Variants in SLC3A1 observed in about 807,000 individuals in gnomAD.
SLC3A1 encodes solute carrier family 3 member 1, also known as amino acid transporter heavy chain SLC3A1.
Under a neutral mutation model 60.3 loss-of-function variants are expected in SLC3A1, and 78 were observed. The observed-to-expected ratio is 1.29, with a 90% CI of 1.08 to 1.56. The LOEUF (loss-of-function observed/expected upper bound fraction) is 1.56, where lower values mean the gene tolerates loss of function less well. Among genes scored for constraint, SLC3A1 ranks in the 40% most tolerant of loss-of-function variants. SLC3A1 has a pLI of 0.00. For synonymous variants in SLC3A1, 392 were observed against 307.9 expected (o/e 1.27, Z -2.86); for missense variants, 1,172 against 858.9 (o/e 1.36, Z -4.56).
downstream of SLC3A1, chr2:44,321,505 T>C (rs1398188371): frequency 6.3e-7 from 1 of 1,576,126 alleles, no homozygotes; most frequent in Non-Finnish European, 8.6e-7. Flanking sequence ...TGCCACTGTT[T>C]AAGCTTCTCT....
At chr2:44,314,270 C>G (rs1001512006) in intron 9 of SLC3A1, 4 of 578,140 alleles carry the variant, frequency 6.9e-6, no homozygotes, top group African/African-American at 5.6e-5. Context: ...CTTTCCTCCT[C>G]TCTTCCCCTC....
At chr2:44,298,910 G>GA (rs1671926457) in intron 4 of SLC3A1, among the ~76,000 whole-genome samples, 1 of 152,084 alleles carries the variant, frequency 6.6e-6, no homozygotes, top group Non-Finnish European at 1.5e-5. Flanking sequence ...CACACCTTTG[G>GA]AAGAAAGTCT....
At chr2:44,302,130 G>A (rs1312022636) in intron 6 of SLC3A1, among the ~76,000 whole-genome samples, 2 of 152,078 alleles carry the variant, frequency 1.3e-5, no homozygotes, top group Non-Finnish European at 2.9e-5. Flanking sequence ...TAGTTTCCTA[G>A]TACAGTATAT....
At chr2:44,280,497 C>T (rs1671470364) in intron 1 of SLC3A1, among the ~76,000 whole-genome samples, 1 of 152,146 alleles carries the variant, frequency 6.6e-6, no homozygotes. Flanking sequence ...CTTGGCCTCC[C>T]AAAGTGCTGG....
intron 3 of SLC3A1, among the ~76,000 whole-genome samples, chr2:44,281,772 A>T (rs1406351287): frequency 6.6e-6 from 1 of 151,978 alleles, no homozygotes; most frequent in Non-Finnish European, 1.5e-5. Flanking sequence ...GCAAATTCAA[A>T]CCTATTTTCT....
intron 6 of SLC3A1, among the ~76,000 whole-genome samples, chr2:44,303,245 A>ATTTTTTT (rs113167902): frequency 7.3e-6 from 1 of 136,574 alleles, no homozygotes; most frequent in African/African-American, 2.8e-5. Flanking sequence ...CTGAGATCCA[A>ATTTTTTT]TTTTTTTTTT....
rs924993332 is a variant in SLC3A1, at chr2:44,321,082, G to C, written c.*443G>C. 9 of 433,452 alleles carry C rather than the reference G, an allele frequency of 2.1e-5. No homozygotes were observed. Among genetic ancestry groups the C allele is most frequent in the African/African-American group, 1.2e-4 (6 of 50,236 alleles). 26.9% of individuals were successfully genotyped at this position (433,452 alleles called of 1,614,324 possible). On this transcript the variant is annotated 3_prime_UTR_variant, in exon 10 of 10. Coordinates refer to ENST00000260649, the MANE Select transcript of SLC3A1 (RefSeq NM_000341.4). ...GACTGGAAGGGAGGCCTGGAGCTCT[G>C]CTATCACCAATCCTTCCCTTCCCTC...
At chr2:44,298,302 A>G (rs1050533374) in intron 4 of SLC3A1, among the ~76,000 whole-genome samples, 2 of 152,110 alleles carry the variant, frequency 1.3e-5, no homozygotes, top group African/African-American at 2.4e-5. Flanking sequence ...GCTGAGCATG[A>G]TGAGTTAGTT....
chr2:44,277,228 G>A (rs910635998), intron 1 of SLC3A1, among the ~76,000 whole-genome samples: 8 of 150,624 alleles, frequency 5.3e-5, no homozygotes, highest in South Asian at 2.1e-4. Flanking sequence ...TCGGCTCAGC[G>A]TTCCGAGTAG....
At chr2:44,306,241 T>G (rs1402536795) in intron 7 of SLC3A1, among the ~76,000 whole-genome samples, 1 of 152,194 alleles carries the variant, frequency 6.6e-6, no homozygotes, top group African/African-American at 2.4e-5. Flanking sequence ...TTGATACTTT[T>G]CGCACAGATC....
chr2:44,295,488 G>A (rs1031157790), intron 4 of SLC3A1, among the ~76,000 whole-genome samples: 2 of 152,192 alleles, frequency 1.3e-5, no homozygotes, highest in African/African-American at 4.8e-5. Context: ...TCCTGGTTGA[G>A]AGAATAAATA....
intron 9 of SLC3A1, chr2:44,318,499 G>C (rs1558474415): frequency 6.2e-6 from 1 of 161,772 alleles, no homozygotes; most frequent in Non-Finnish European, 1.4e-5. Context: ...AAAAATGACA[G>C]TTCTATATAC....
intron 9 of SLC3A1, chr2:44,314,412 T>C (rs1175130833): frequency 4.4e-6 from 1 of 228,722 alleles, no homozygotes; most frequent in Non-Finnish European, 8.6e-6. Context: ...ATCCTTAAAG[T>C]GGTTGCTCTG....
At position 44,281,450 on chromosome 2, in the gene SLC3A1, T is replaced by C; in HGVS notation, c.674T>C (p.Leu225Ser). ...AGTGATAAACATATTTGGTTTCAAT[T>C]GAGTCGGACACGGACAGGAAAATAT... Reference protein sequence around the residue: ...HTSDKHIWFQLSRTRTGKYTD... With the variant: ...HTSDKHIWFQSSRTRTGKYTD... Residue 225 changes from leucine to serine, a missense_variant, in exon 3 of 10, where the codon TTG becomes TCG. Leu to Ser is a moderately radical substitution (Grantham distance 145). Coordinates refer to ENST00000260649, the MANE Select transcript of SLC3A1 (RefSeq NM_000341.4). 6.2e-7 allele frequency: 1 copy of C among 1,613,828 alleles called. No individual in the cohort carries two copies. The highest frequency in any genetic ancestry group is 8.5e-7 in the Non-Finnish European group (1 of 1,179,692).
intron 7 of SLC3A1, 110 bp from the exon 8 acceptor site, chr2:44,312,476 A>G: frequency 2.6e-6 from 3 of 1,156,350 alleles, no homozygotes; most frequent in Non-Finnish European, 3.9e-6. Context: ...GCTAGTACCA[A>G]GGTACCACAT....
Position 44,280,838 on chromosome 2 carries a change from C to T in SLC3A1, c.553C>T (p.Pro185Ser), listed in dbSNP as rs759306145. Residue 185 changes from proline to serine, a missense_variant, in exon 2 of 10, where the codon CCC becomes TCC. Pro to Ser is a moderately conservative substitution (Grantham distance 74). Coordinates refer to ENST00000260649, the MANE Select transcript of SLC3A1 (RefSeq NM_000341.4). Reference protein sequence around the residue: ...YGVEDFREVDPIFGTMEDFEN... With the variant: ...YGVEDFREVDSIFGTMEDFEN... ...TGTTGAAGATTTCCGGGAAGTTGAT[C>T]CCATTTTTGGAACGATGGAAGATTT... 9 of 1,613,846 alleles carry T rather than the reference C, an allele frequency of 5.6e-6. No homozygotes were observed. The Admixed American group carries it at 8.3e-5, about 15-fold the overall frequency.
At chr2:44,313,458 C>T (rs1231245212) in intron 8 of SLC3A1, among the ~76,000 whole-genome samples, 1 of 152,176 alleles carries the variant, frequency 6.6e-6, no homozygotes, top group East Asian at 1.9e-4. Flanking sequence ...GGACAGAATT[C>T]ATACTCACTT....
Position 44,286,113 on chromosome 2 carries a change from C to T in SLC3A1, c.847C>T (p.Pro283Ser), listed in dbSNP as rs1423490468. ...TTTTCATCAGTTTATGAAAGAGCAA[C>T]CTGATTTAAATTTCCGCAATCCTGA... ...CYFHQFMKEQ[P>S]DLNFRNPDVQ... The change falls in exon 4 of 10, where the codon CCT becomes TCT. Residue 283 changes from proline to serine, a missense_variant. Pro to Ser is a moderately conservative substitution (Grantham distance 74, BLOSUM62 -1). Coordinates refer to ENST00000260649, the MANE Select transcript of SLC3A1 (RefSeq NM_000341.4). 5 of 1,613,740 alleles carry T rather than the reference C, an allele frequency of 3.1e-6. No individual in the cohort carries two copies. The highest frequency in any genetic ancestry group is 1.1e-5 in the South Asian group (1 of 91,078).
At chr2:44,280,984 A>C in intron 2 of SLC3A1, 89 bp downstream of exon 2, 1 of 1,098,924 alleles carries the variant, frequency 9.1e-7, no homozygotes, top group Middle Eastern at 2.0e-4. Flanking sequence ...CTTCTCCTTA[A>C]CTGTCATATA....
Sources: gnomAD v4.1 joint callset for allele counts (sites outside exome capture counted in the v4.1 genomes callset) on GRCh38, gnomAD v4.1.1 for gene constraint, MANE v1.5 for transcripts, NCBI Gene and HGNC (gene_info 2026-07-23, HGNC 2026-07-21) for gene names.